GRIA4: variants seen among roughly 807,000 people sequenced by gnomAD.
GRIA4 encodes glutamate receptor 4.
Under a neutral mutation model 104.0 loss-of-function variants are expected in GRIA4, and 34 were observed. The observed-to-expected ratio is 0.33, with a 90% CI of 0.25 to 0.44. The LOEUF (loss-of-function observed/expected upper bound fraction) is 0.44. GRIA4 is among the 20% of genes least tolerant of loss of function. The pLI is 1.00. For synonymous variants in GRIA4, 386 were observed against 381.9 expected, an observed-to-expected ratio of 1.01 and a Z score of -0.13; for missense variants, 750 against 1,096.5, an observed-to-expected ratio of 0.68 and a Z score of 4.46.
chr11:105,826,505 T>C (rs1223578911), intron 4 of GRIA4, among the ~76,000 whole-genome samples: 1 of 152,056 alleles, frequency 6.6e-6, no homozygotes. Flanking sequence ...TTAGATATTT[T>C]ATTGTCTTCT....
At chr11:105,750,617 T>G (rs1221155699) in intron 3 of GRIA4, among the ~76,000 whole-genome samples, 1 of 152,098 alleles carries the variant, frequency 6.6e-6, no homozygotes, top group Non-Finnish European at 1.5e-5. Flanking sequence ...TTAAATAGTA[T>G]AGTGAGTACC....
At chr11:105,940,136 G>T (rs188947848) in intron 14 of GRIA4, among the ~76,000 whole-genome samples, 32 of 152,030 alleles carry the variant, frequency 2.1e-4, no homozygotes, top group South Asian at 6.2e-4. Context: ...AGGCTGAGGC[G>T]GGCAGATCAG....
intron 4 of GRIA4, among the ~76,000 whole-genome samples, chr11:105,765,118 A>T (rs1053717208): frequency 2.6e-5 from 4 of 152,192 alleles, no homozygotes. Context: ...CTCAGAAGGA[A>T]GACAGCATTG....
At chr11:105,966,240 G>C (rs561773221) in intron 14 of GRIA4, among the ~76,000 whole-genome samples, 1 of 152,148 alleles carries the variant, frequency 6.6e-6, no homozygotes, top group Non-Finnish European at 1.5e-5. Context: ...TCAATTTAGT[G>C]ACACACTAAC....
At chr11:105,905,098 A>G (rs2136148106) in intron 8 of GRIA4, 99 bp from the exon 9 acceptor site, 1 of 687,526 alleles carries the variant, frequency 1.5e-6, no homozygotes, top group East Asian at 2.5e-5. Flanking sequence ...TATAGTTTAT[A>G]GTTCTACTTT....
intron 3 of GRIA4, among the ~76,000 whole-genome samples, chr11:105,735,312 G>A (rs895281275): frequency 6.6e-6 from 1 of 152,018 alleles, no homozygotes; most frequent in Non-Finnish European, 1.5e-5. Context: ...CAAACAACTC[G>A]CTTGTCTTAA....
At chr11:105,742,060 G>A (rs1010515486) in intron 3 of GRIA4, among the ~76,000 whole-genome samples, 81 of 152,108 alleles carry the variant, frequency 5.3e-4, no homozygotes, top group African/African-American at 1.8e-3. Flanking sequence ...AGGGTTTTAT[G>A]GGGCGTTTAT....
rs76494748 is a variant in GRIA4, at chr11:105,662,460, T to G, written c.247+50026T>G. Among the ~76,000 whole-genome samples, 241 of 151,786 alleles carry G rather than the reference T, an allele frequency of 1.6e-3. 1 individual carries two copies. Among genetic ancestry groups the G allele is most frequent in the African/African-American group, 5.5e-3 (230 of 41,450 alleles). On this transcript the variant is annotated intron_variant, in intron 3 of 16. Coordinates refer to ENST00000282499, the MANE Select transcript of GRIA4 (RefSeq NM_000829.4). ...ACAGAGGAAAAAACACTGTTAGTCT[T>G]TGGTGGGGAGAAGGATAGGGTGGGA...
chr11:105,726,555 T>G (rs560106782), intron 3 of GRIA4, among the ~76,000 whole-genome samples: 1 of 152,288 alleles, frequency 6.6e-6, no homozygotes, highest in East Asian at 1.9e-4. Flanking sequence ...AGGGACAGAC[T>G]TCTTCCTCAA....
rs561135062 is a variant in GRIA4 at position 105,686,063 on chromosome 11, G to A, written c.248-66918G>A. On this transcript the variant is annotated intron_variant, in intron 3 of 16. Transcript: ENST00000282499. ...CCAGGATAAAGATGATGGCAAAAGA[G>A]TTTCTTTTTTTCAACTTTTATTTTA... 6.6e-5 allele frequency among the ~76,000 whole-genome samples: 10 copies of A among 152,170 alleles called. No individual in the cohort carries two copies. In the South Asian group the frequency reaches 1.9e-3, roughly 28 times the overall value.
At chr11:105,804,355 C>A (rs1030188120) in intron 4 of GRIA4, among the ~76,000 whole-genome samples, 1 of 31,892 alleles carries the variant, frequency 3.1e-5, no homozygotes, top group South Asian at 8.9e-4. Context: ...AACACACATG[C>A]ACACACACAC....
intron 14 of GRIA4, among the ~76,000 whole-genome samples, chr11:105,951,948 G>A (rs1474518330): frequency 2.0e-5 from 3 of 152,114 alleles, no homozygotes; most frequent in African/African-American, 4.8e-5. Context: ...GGGCAACAGA[G>A]TGAGACCCTG....
intron 3 of GRIA4, chr11:105,706,246 T>C (rs578185930): frequency 6.6e-6 from 1 of 152,324 alleles, no homozygotes; most frequent in Non-Finnish European, 1.5e-5. Flanking sequence ...GGATGGGATG[T>C]GAGGCTTCTT....
rs201787494 is a variant in GRIA4 at position 105,964,105 on chromosome 11, A to AT, written c.2295-7804dup. On this transcript the variant is annotated intron_variant, in intron 14 of 16. Transcript: ENST00000282499. ...AAACAATTCCTTTTTTCCCAGCAGA[A>AT]TTTTTAAAAAAATAGATGTCTCTAT... Among the ~76,000 whole-genome samples, 5 of 152,240 alleles carry AT rather than the reference A, an allele frequency of 3.3e-5. No individual in the cohort carries two copies. In the East Asian group the frequency reaches 9.6e-4, roughly 29 times the overall value.
At chr11:105,704,185 A>G (rs566990800) in intron 3 of GRIA4, among the ~76,000 whole-genome samples, 28 of 152,132 alleles carry the variant, frequency 1.8e-4, no homozygotes, top group African/African-American at 6.7e-4. Context: ...TAGTCAACTT[A>G]AAACATCATT....
chr11:105,728,062 A>G (rs1441614789), intron 3 of GRIA4, among the ~76,000 whole-genome samples: 1 of 152,210 alleles, frequency 6.6e-6, no homozygotes, highest in Non-Finnish European at 1.5e-5. Flanking sequence ...AAATGCCCCA[A>G]TTAAAAGGCC....
intron 3 of GRIA4, among the ~76,000 whole-genome samples, chr11:105,678,253 G>C (rs1952603836): frequency 6.6e-6 from 1 of 151,950 alleles, no homozygotes; most frequent in South Asian, 2.1e-4. Flanking sequence ...AGTTGACGTG[G>C]GGGCCCAATT....
intron 4 of GRIA4, among the ~76,000 whole-genome samples, chr11:105,831,861 T>C (rs1410939652): frequency 6.6e-6 from 1 of 152,050 alleles, no homozygotes; most frequent in Non-Finnish European, 1.5e-5. Flanking sequence ...CCTTCAGAGT[T>C]GTGCAGTGCA....
chr11:105,976,672 T>C (rs1302566661), intron 16 of GRIA4, among the ~76,000 whole-genome samples: 1 of 152,004 alleles, frequency 6.6e-6, no homozygotes, highest in East Asian at 1.9e-4. Context: ...AAAATAATAT[T>C]GCCCCAGAAT....
Sources: gnomAD v4.1 joint callset for allele counts (sites outside exome capture counted in the v4.1 genomes callset) on GRCh38, gnomAD v4.1.1 for gene constraint, MANE v1.5 for transcripts, NCBI Gene and HGNC (gene_info 2026-07-23, HGNC 2026-07-21) for gene names.